ATL3: variants seen among roughly 807,000 people sequenced by gnomAD.
The protein encoded by ATL3 is atlastin GTPase 3, also known as atlastin-3.
A neutral mutation model predicts 69.5 loss-of-function variants in ATL3; 49 were observed. That is an observed-to-expected ratio of 0.71 (90% CI 0.56 to 0.89). ATL3 has a LOEUF of 0.89. ATL3 is among the 40% of genes least tolerant of loss of function. The pLI, the probability that ATL3 is intolerant of heterozygous loss-of-function variation, is 0.00. For missense variants in ATL3, 606 were observed against 645.7 expected (o/e 0.94, Z 0.67); for synonymous variants, 214 against 224.1 (o/e 0.95, Z 0.40).
intron 3 of ATL3, among the ~76,000 whole-genome samples, chr11:63,658,375 C>A (rs1430169668): frequency 6.6e-6 from 1 of 152,170 alleles, no homozygotes; most frequent in East Asian, 1.9e-4. Context: ...GAGTCAGCAA[C>A]AGATTAATAT....
upstream of ATL3, chr11:63,671,439 G>A (rs560195006): frequency 2.0e-6 from 3 of 1,495,990 alleles, no homozygotes; most frequent in Non-Finnish European, 2.7e-6. Flanking sequence ...GCGGAGCCTG[G>A]GCTCTAGAAA....
intron 3 of ATL3, among the ~76,000 whole-genome samples, chr11:63,654,498 A>G (rs1476009137): frequency 1.3e-5 from 2 of 151,032 alleles, no homozygotes; most frequent in Non-Finnish European, 3.0e-5. Context: ...CCCAGGTCCA[A>G]GCGATTCTCC....
rs1001995550 is a variant in ATL3 at position 63,625,493 on chromosome 11, C to T, written c.*3826G>A. ...AATTAAAACTGTTTTATTGCTTTTG[C>T]ATGGACTTGATTCAATCTACTTAAT... On this transcript the variant is annotated 3_prime_UTR_variant, in exon 13 of 13. Coordinates refer to ENST00000398868, the MANE Select transcript of ATL3 (RefSeq NM_015459.5). 1.3e-5 allele frequency: 2 copies of T among 152,090 alleles called. No individual in the cohort carries two copies. The highest frequency in any genetic ancestry group is 2.4e-5 in the African/African-American group (1 of 41,424). 9.4% of individuals were successfully genotyped at this position (152,090 alleles called of 1,614,324 possible).
chr11:63,653,339 C>A (rs1243749462), intron 3 of ATL3, among the ~76,000 whole-genome samples: 1 of 152,042 alleles, frequency 6.6e-6, no homozygotes, highest in African/African-American at 2.4e-5. Flanking sequence ...GTGGTGCACA[C>A]CTGTAGTCCC....
chr11:63,671,496 C>T, upstream of ATL3: 2 of 1,455,764 alleles, frequency 1.4e-6, no homozygotes, highest in Non-Finnish European at 1.8e-6. Flanking sequence ...GGAGCGAGCG[C>T]AGCGCGGTCT....
At chr11:63,643,582 G>A (rs1203493447) in intron 7 of ATL3, 87 bp from the exon 8 acceptor site, 1 of 1,278,210 alleles carries the variant, frequency 7.8e-7, no homozygotes, top group Non-Finnish European at 1.1e-6. Flanking sequence ...AAGGAAAGAA[G>A]ACTCCTCAAC....
intron 3 of ATL3, among the ~76,000 whole-genome samples, chr11:63,653,063 A>AT: frequency 6.6e-6 from 1 of 152,288 alleles, no homozygotes; most frequent in Admixed American, 6.5e-5. Flanking sequence ...GCAATGGCTC[A>AT]TGCCTGTAAT....
At chr11:63,668,387 G>T (rs1940645723) in intron 1 of ATL3, among the ~76,000 whole-genome samples, 1 of 152,126 alleles carries the variant, frequency 6.6e-6, no homozygotes, top group Non-Finnish European at 1.5e-5. Context: ...TTTATATACC[G>T]TTTTGTCTTA....
intron 10 of ATL3, among the ~76,000 whole-genome samples, 165 bp from the exon 11 acceptor site, chr11:63,633,262 C>A: frequency 6.6e-6 from 1 of 152,058 alleles, no homozygotes; most frequent in African/African-American, 2.4e-5. Flanking sequence ...TACACTTTTT[C>A]TGCCAAATTT....
intron 5 of ATL3, among the ~76,000 whole-genome samples, chr11:63,648,409 C>T (rs1939958175): frequency 6.6e-6 from 1 of 152,226 alleles, no homozygotes; most frequent in Admixed American, 6.5e-5. Context: ...AACCACCTAC[C>T]TCATTGTGAT....
intron 5 of ATL3, 75 bp downstream of exon 5, chr11:63,651,861 C>T: frequency 2.0e-6 from 3 of 1,505,558 alleles, no homozygotes; most frequent in Non-Finnish European, 8.8e-7. Context: ...CTAAAAACTA[C>T]TCAGTTGTAA....
At chr11:63,635,866 C>A (rs899051027) in intron 9 of ATL3, among the ~76,000 whole-genome samples, 2 of 148,510 alleles carry the variant, frequency 1.3e-5, no homozygotes, top group African/African-American at 2.5e-5. Flanking sequence ...GAGTGACCAT[C>A]CGCCTTGAGG....
chr11:63,632,572 G>A (rs1294582944), intron 11 of ATL3: 2 of 853,166 alleles, frequency 2.3e-6, no homozygotes, highest in Non-Finnish European at 2.0e-6. Flanking sequence ...GTTAGAAGGT[G>A]ATAAATCTAC....
At chr11:63,661,475 C>A (rs1940416967) in intron 1 of ATL3, among the ~76,000 whole-genome samples, 1 of 152,132 alleles carries the variant, frequency 6.6e-6, no homozygotes, top group South Asian at 2.1e-4. Context: ...CCAGGCACAG[C>A]ATCCACGCCT....
intron 10 of ATL3, among the ~76,000 whole-genome samples, chr11:63,634,829 C>A (rs545196887): frequency 2.0e-5 from 3 of 151,974 alleles, no homozygotes; most frequent in Non-Finnish European, 4.4e-5. Context: ...CCAGCCTGGG[C>A]GACACAGCAA....
chr11:63,629,767 T>C (rs1259700455), intron 12 of ATL3, among the ~76,000 whole-genome samples: 2 of 152,324 alleles, frequency 1.3e-5, no homozygotes, highest in South Asian at 2.1e-4. Context: ...CACTCGCCTG[T>C]AACACCGGCT....
Position 63,631,337 on chromosome 11 carries a change from C to A in ATL3, c.1242G>T (p.Gln414His), listed in dbSNP as rs1939311107. Residue 414 changes from glutamine to histidine, a missense_variant, in exon 12 of 13, where the codon CAG (glutamine) becomes CAT (histidine). Transcript: ENST00000398868. Reference sequence around the variant, plus strand: ...CCTTGATTTCCTCCTCCAGCTCCTGCTGGTAACGAAAGCTGAAATCCTTCC... The same window carrying A: ...CCTTGATTTCCTCCTCCAGCTCCTGATGGTAACGAAAGCTGAAATCCTTCC... ...MGGKDFSFRY[Q>H]QELEEEIKEL... 7 of 1,614,112 alleles carry A rather than the reference C, an allele frequency of 4.3e-6. No individual in the cohort carries two copies. Among genetic ancestry groups the A allele is most frequent in the Non-Finnish European group, 5.9e-6 (7 of 1,180,056 alleles).
Position 63,659,315 on chromosome 11 carries a change from G to A in ATL3, c.47-63C>T, listed in dbSNP as rs575451274. ...TTTAAAATATGTTTTTGAATATAGG[G>A]AAAACAAAAACTTCTTAAACAGGGG... On this transcript the variant is annotated intron_variant, in intron 1 of 12. Transcript: ENST00000398868. 1.0e-5 allele frequency: 15 copies of A among 1,468,254 alleles called. No homozygotes were observed. The Middle Eastern group carries it at 2.4e-3, about 238-fold the overall frequency. 91.0% of individuals were successfully genotyped at this position (1,468,254 alleles called of 1,614,324 possible). A position where few individuals can be genotyped will look rare whatever the true frequency, so the allele number is the denominator to read the frequency against.
chr11:63,659,327 T>A (rs766774820), intron 1 of ATL3, 75 bp from the exon 2 acceptor site: 18 of 1,337,304 alleles, frequency 1.3e-5, no homozygotes, highest in Non-Finnish European at 1.8e-5. Context: ...AAACAAAAAC[T>A]TCTTAAACAG....
Sources: gnomAD v4.1 joint callset for allele counts (sites outside exome capture counted in the v4.1 genomes callset) on GRCh38, gnomAD v4.1.1 for gene constraint, MANE v1.5 for transcripts, NCBI Gene and HGNC (gene_info 2026-07-23, HGNC 2026-07-21) for gene names.